The following BORA variants were observed in gnomAD, a reference collection of about 807,000 sequenced individuals.
BORA encodes the protein protein aurora borealis.
BORA carries 26 observed loss-of-function variants against 55.8 expected under a neutral mutation model. The observed-to-expected ratio is 0.47, with a 90% CI of 0.34 to 0.65. The LOEUF is 0.65. BORA is among the 30% of genes least tolerant of loss of function. The probability of loss-of-function intolerance (pLI) is 0.01; values close to 1 mark genes in which losing one functional copy is unlikely to be tolerated. For synonymous variants in BORA, 201 were observed against 216.9 expected, an observed-to-expected ratio of 0.93 and a Z score of 0.64; for missense variants, 568 against 671.5, an observed-to-expected ratio of 0.85 and a Z score of 1.70.
intron 10 of BORA, among the ~76,000 whole-genome samples, chr13:72,748,748 CTCTCTCTCTCTT>C (rs1014588644): frequency 3.7e-4 from 18 of 48,592 alleles, no homozygotes; most frequent in Admixed American, 2.9e-3. Flanking sequence ...CTCTCTCTCT[CTCTCTCTCTCTT>C]TTTTATATAG....
chr13:72,741,003 G>A (rs1371499700), intron 5 of BORA, among the ~76,000 whole-genome samples: 3 of 152,190 alleles, frequency 2.0e-5, no homozygotes, highest in Non-Finnish European at 4.4e-5. Context: ...AAATAAAATG[G>A]TGAATGAGGG....
In BORA at chr13:72,728,990, G is replaced by A; in HGVS notation, c.50G>A (p.Gly17Glu). 6.2e-7 allele frequency: 1 copy of A among 1,610,692 alleles called. No individual in the cohort carries two copies. Among genetic ancestry groups the A allele is most frequent in the Non-Finnish European group, 8.5e-7 (1 of 1,178,764 alleles). Residue 17 changes from glycine (G) to glutamate (E), a missense_variant, in exon 2 of 12, where the codon GGA becomes GAA. Transcript: ENST00000390667. ...SKMQITPETP[G>E]RIPVLNPFES... ...ATGCAAATAACACCAGAAACTCCAG[G>A]AAGGATCCCTGTTTTAAATCCTTTT...
In BORA at chr13:72,732,998, T is replaced by G. The variant is rs150211426; in HGVS notation, c.260+1611T>G. Among the ~76,000 whole-genome samples, 105 of 152,326 alleles carry G rather than the reference T, an allele frequency of 6.9e-4. 1 individual carries two copies. In the East Asian group the frequency reaches 0.02, roughly 29 times the overall value. On this transcript the variant is annotated intron_variant, in intron 3 of 11. Transcript: ENST00000390667. ...TCTGTTCTTACTACTAAATGATATA[T>G]TGTCTGCAAAGGTTTATAAAGATAA...
chr13:72,741,512 G>A (rs1172874846), intron 5 of BORA, among the ~76,000 whole-genome samples: 1 of 151,674 alleles, frequency 6.6e-6, no homozygotes, highest in Non-Finnish European at 1.5e-5. Flanking sequence ...TGGTTATATT[G>A]GTCTTAAACA....
chr13:72,728,971 A>G lies in BORA; in HGVS notation c.31A>G (p.Ile11Val). MGDVKESKMQ[I>V]TPETPGRIPV... Reference sequence around the variant, plus strand: ...AGATGTCAAGGAATCAAAGATGCAAATAACACCAGAAACTCCAGGAAGGAT... The same window carrying G: ...AGATGTCAAGGAATCAAAGATGCAAGTAACACCAGAAACTCCAGGAAGGAT... The change falls in exon 2 of 12, where the codon ATA becomes GTA. Residue 11 changes from isoleucine (I) to valine (V), a missense_variant. Physicochemically the swap from Ile to Val is conservative, Grantham distance 29 (BLOSUM62 3). Coordinates refer to ENST00000390667, the MANE Select transcript of BORA (RefSeq NM_024808.5). 1 of 1,606,718 alleles carries G rather than the reference A, an allele frequency of 6.2e-7. No individual in the cohort carries two copies. The highest frequency in any genetic ancestry group is 1.1e-5 in the South Asian group (1 of 89,316).
intron 5 of BORA, among the ~76,000 whole-genome samples, chr13:72,742,167 T>A (rs557286051): frequency 6.7e-6 from 1 of 149,512 alleles, no homozygotes; most frequent in African/African-American, 2.4e-5. Flanking sequence ...GCAACCCACT[T>A]ACCCATTTTA....
intron 5 of BORA, among the ~76,000 whole-genome samples, chr13:72,741,084 A>G (rs527351394): frequency 1.4e-3 from 219 of 152,342 alleles, no homozygotes; most frequent in African/African-American, 5.0e-3. Flanking sequence ...TTATGCAGCA[A>G]GGTGCTTCAG....
chr13:72,752,555 T>C (rs1219674116), intron 10 of BORA: 1 of 152,198 alleles, frequency 6.6e-6, no homozygotes, highest in Non-Finnish European at 1.5e-5. Flanking sequence ...TATTTGGCAG[T>C]GATGAATATT....
chr13:72,732,024 T>C (rs944199781), intron 3 of BORA, among the ~76,000 whole-genome samples: 1 of 152,232 alleles, frequency 6.6e-6, no homozygotes, highest in African/African-American at 2.4e-5. Flanking sequence ...TAAGGTCCTA[T>C]TATTCTTTTG....
rs2033163132 is a variant in BORA, at chr13:72,746,932, A to G, written c.1303A>G (p.Met435Val). The change falls in exon 10 of 12, where the codon ATG becomes GTG. Residue 435 changes from methionine (M) to valine (V), a missense_variant. Physicochemically the swap from Met to Val is conservative, Grantham distance 21. Coordinates refer to ENST00000390667, the MANE Select transcript of BORA (RefSeq NM_024808.5). The part of the protein sequence containing the change: ...EREKDNNTVD[M>V]VDPIEIADET... The stretch of plus-strand genomic sequence containing the variant: ...GGAGAAAGACAATAACACTGTGGAT[A>G]TGGTTGATCCTATAGAGATAGCAGA... 6.2e-7 allele frequency: 1 copy of G among 1,614,150 alleles called. No homozygotes were observed. The highest frequency in any genetic ancestry group is 8.5e-7 in the Non-Finnish European group (1 of 1,179,978).
At chr13:72,738,540 C>T (rs1210846477) in intron 5 of BORA, among the ~76,000 whole-genome samples, 1 of 152,066 alleles carries the variant, frequency 6.6e-6, no homozygotes, top group African/African-American at 2.4e-5. Flanking sequence ...AGTAAGCTAA[C>T]AATTATCTTT....
At chr13:72,744,414 TTGAC>T (rs1179798029) in intron 6 of BORA, 87 bp from the exon 7 acceptor site, 4 of 1,059,212 alleles carry the variant, frequency 3.8e-6, no homozygotes, top group African/African-American at 3.2e-5. Context: ...GGGGAGATGA[TTGAC>T]TGGGCAGCAC....
Position 72,746,757 on chromosome 13 carries a change from C to G in BORA, c.1128C>G (p.Pro376=). The stretch of plus-strand genomic sequence containing the variant: ...TTCCTTCCACAGATGTCTCATCACC[C>G]GCCATGGATGCTGCTGGAATACACC... ...ENIPSTDVSS[P]AMDAAGIHLR... The change falls in exon 10 of 12, where the codon CCC becomes CCG. Residue 376 remains proline, a synonymous_variant. Coordinates refer to ENST00000390667, the MANE Select transcript of BORA (RefSeq NM_024808.5). The G allele has an allele frequency of 6.2e-7, 1 of 1,614,122 alleles. No homozygotes were observed. Among genetic ancestry groups the G allele is most frequent in the Non-Finnish European group, 8.5e-7 (1 of 1,180,014 alleles).
At position 72,727,965 on chromosome 13, in the gene BORA, G is replaced by C; in HGVS notation, c.-58G>C. 1 of 1,550,610 alleles carries C rather than the reference G, an allele frequency of 6.4e-7. No homozygotes were observed. The highest frequency in any genetic ancestry group is 1.4e-5 in the African/African-American group (1 of 73,188). ...CGTGGAAGCTGGCCTGGCCCCCGGA[G>C]CTCCCTGGAGTCGGTACTGGGGGCT... On this transcript the variant is annotated 5_prime_UTR_variant, in exon 1 of 12. Transcript: ENST00000390667.
Position 72,746,488 on chromosome 13 carries a change from TCCCA to T in BORA, c.872-10_872-7del. On this transcript the variant is annotated splice_polypyrimidine_tract_variant and intron_variant, in intron 9 of 11. Transcript: ENST00000390667. ...TTTTATGATGTGATTTTTTTTCCCT[TCCCA>T]CCTTTCAGAACAAAGGAAGTTTACT... is the stretch of plus-strand genomic sequence containing the variant. 6.3e-7 allele frequency: 1 copy of T among 1,589,938 alleles called. No individual in the cohort carries two copies. The highest frequency in any genetic ancestry group is 8.6e-7 in the Non-Finnish European group (1 of 1,166,410).
At chr13:72,742,798 AC>A in intron 5 of BORA, among the ~76,000 whole-genome samples, 1 of 137,346 alleles carries the variant, frequency 7.3e-6, no homozygotes, top group East Asian at 2.2e-4. Context: ...ACACACACAC[AC>A]ACACACACAC....
chr13:72,728,324 G>T, intron 1 of BORA: 1 of 614,356 alleles, frequency 1.6e-6, no homozygotes, highest in South Asian at 1.9e-5. Flanking sequence ...CCCGGGAGGG[G>T]TGGAGGGGAG....
At chr13:72,736,270 T>A (rs114413437) in intron 4 of BORA, among the ~76,000 whole-genome samples, 354 of 152,168 alleles carry the variant, frequency 2.3e-3, no homozygotes, top group African/African-American at 8.4e-3. Flanking sequence ...TTCTTTTCAA[T>A]ATATATTTTT....
rs113751531 is a variant in BORA at position 72,743,851 on chromosome 13, G to A, written c.454+249G>A. ...CCCGAGCTCCAGTGATCCTCCCACC[G>A]CAGCCTCCTCAGTAGCTAGGACTAC... On this transcript the variant is annotated intron_variant, in intron 6 of 11. Transcript: ENST00000390667. Among the ~76,000 whole-genome samples, 1,148 of 151,726 alleles carry A rather than the reference G, an allele frequency of 7.6e-3. 17 individuals carry two copies. Among genetic ancestry groups the A allele is most frequent in the African/African-American group, 0.025 (1,044 of 41,402 alleles).
Sources: allele counts gnomAD v4.1 joint callset (sites outside exome capture counted in the v4.1 genomes callset), GRCh38; gene constraint gnomAD v4.1.1; transcripts MANE v1.5; gene names NCBI Gene and HGNC (gene_info 2026-07-23, HGNC 2026-07-21).